Variants in PTPRK observed in about 807,000 individuals in gnomAD.
The protein encoded by PTPRK is protein tyrosine phosphatase receptor type K.
In PTPRK, 75 loss-of-function variants were observed where a neutral mutation model predicts 178.0. That is an observed-to-expected ratio of 0.42 (90% CI 0.35 to 0.51). PTPRK has a LOEUF of 0.51. PTPRK is among the 20% of genes least tolerant of loss of function. The probability of loss-of-function intolerance (pLI) is 0.02; values close to 1 mark genes in which losing one functional copy is unlikely to be tolerated. For missense variants in PTPRK, 1,441 were observed against 1,797.8 expected, an observed-to-expected ratio of 0.80 and a Z score of 3.59; for synonymous variants, 637 against 620.6, an observed-to-expected ratio of 1.03 and a Z score of -0.39.
At chr6:128,227,692 A>G (rs1367882315) in intron 5 of PTPRK, among the ~76,000 whole-genome samples, 3 of 152,200 alleles carry the variant, frequency 2.0e-5, no homozygotes, top group South Asian at 4.1e-4. Context: ...AGTGTCAATG[A>G]AAGTCAGTCA....
chr6:128,468,431 G>GACAATACAATACAAT (rs71543137), intron 1 of PTPRK, among the ~76,000 whole-genome samples: 11 of 151,680 alleles, frequency 7.3e-5, no homozygotes, highest in African/African-American at 2.2e-4. Flanking sequence ...TTAAGAGCCT[G>GACAATACAATACAAT]ACAATACAAT....
At chr6:128,350,705 A>G (rs989262142) in intron 2 of PTPRK, among the ~76,000 whole-genome samples, 2 of 152,234 alleles carry the variant, frequency 1.3e-5, no homozygotes, top group African/African-American at 2.4e-5. Context: ...CACTGGGCCT[A>G]TACGTCCATG....
At chr6:127,992,635 T>C in intron 19 of PTPRK, 38 bp downstream of exon 19, 1 of 1,546,714 alleles carries the variant, frequency 6.5e-7, no homozygotes. Context: ...ATAAGCAAGT[T>C]TGTTTTTTCT....
intron 13 of PTPRK, among the ~76,000 whole-genome samples, chr6:128,029,676 A>T (rs1345851072): frequency 6.8e-6 from 1 of 147,934 alleles, no homozygotes; most frequent in Non-Finnish European, 1.5e-5. Context: ...AATAATAATA[A>T]TAATAATAAT....
intron 1 of PTPRK, among the ~76,000 whole-genome samples, chr6:128,487,426 T>A (rs1853108936): frequency 6.6e-6 from 1 of 151,492 alleles, no homozygotes; most frequent in African/African-American, 2.4e-5. Context: ...CTGTCTCCTA[T>A]CCCTCTATCT....
At chr6:127,972,725 G>T (rs1158800610) in intron 29 of PTPRK, among the ~76,000 whole-genome samples, 1 of 151,986 alleles carries the variant, frequency 6.6e-6, no homozygotes, top group Non-Finnish European at 1.5e-5. Context: ...TCTTCTTATA[G>T]GACCATTTAC....
At chr6:128,424,402 C>A (rs1166591011) in intron 1 of PTPRK, among the ~76,000 whole-genome samples, 1 of 152,140 alleles carries the variant, frequency 6.6e-6, no homozygotes, top group African/African-American at 2.4e-5. Context: ...CTGAAGCCCA[C>A]ATCTCTCAAG....
chr6:128,361,934 C>A (rs897914855), intron 2 of PTPRK, among the ~76,000 whole-genome samples: 1 of 152,238 alleles, frequency 6.6e-6, no homozygotes, highest in African/African-American at 2.4e-5. Context: ...TCATATACTA[C>A]CTCAACAAGT....
chr6:128,184,559 A>G lies in PTPRK; in HGVS notation c.1035T>C (p.Ala345=), dbSNP rs767162231. 3 of 1,613,978 alleles carry G rather than the reference A, an allele frequency of 1.9e-6. No homozygotes were observed. The highest frequency in any genetic ancestry group is 2.5e-6 in the Non-Finnish European group (3 of 1,179,934). The change falls in exon 7 of 30, where the codon GCT becomes GCC. Residue 345 remains alanine, a synonymous_variant. Transcript: ENST00000368226. ...GSWTETHAVN[A]PTYKLWHLDP... ...CTAAATGCCATAATTTGTAAGTTGG[A>G]GCATTGACTGCATGGGTTTCTGTCC... is the stretch of plus-strand genomic sequence containing the variant.
chr6:128,067,392 A>G, intron 12 of PTPRK, 127 bp downstream of exon 12: 1 of 1,096,128 alleles, frequency 9.1e-7, no homozygotes, highest in Non-Finnish European at 1.2e-6. Flanking sequence ...TGTTGAGAAC[A>G]GAACCCCCTA....
At chr6:128,456,731 C>T (rs1028087405) in intron 1 of PTPRK, among the ~76,000 whole-genome samples, 3 of 152,022 alleles carry the variant, frequency 2.0e-5, no homozygotes, top group African/African-American at 7.2e-5. Context: ...TGGGTCTTTC[C>T]GGTTTTTAAG....
At chr6:128,448,660 G>A (rs1296476360) in intron 1 of PTPRK, among the ~76,000 whole-genome samples, 1 of 152,126 alleles carries the variant, frequency 6.6e-6, no homozygotes, top group Non-Finnish European at 1.5e-5. Flanking sequence ...TTTGGGATGA[G>A]ACAGAGACAA....
At chr6:128,163,579 G>A (rs1222501604) in intron 7 of PTPRK, among the ~76,000 whole-genome samples, 1 of 151,360 alleles carries the variant, frequency 6.6e-6, no homozygotes, top group Non-Finnish European at 1.5e-5. Flanking sequence ...TAGAGCTAGG[G>A]TTTTATATTT....
intron 13 of PTPRK, among the ~76,000 whole-genome samples, chr6:128,055,896 T>C (rs1166921095): frequency 6.6e-6 from 1 of 152,132 alleles, no homozygotes; most frequent in East Asian, 1.9e-4. Flanking sequence ...CCACCATGTC[T>C]GGCCATGCTT....
chr6:128,416,109 T>G (rs1324367179), intron 1 of PTPRK, among the ~76,000 whole-genome samples: 1 of 152,036 alleles, frequency 6.6e-6, no homozygotes. Context: ...AATTACAGTA[T>G]GAGAAATATA....
intron 2 of PTPRK, among the ~76,000 whole-genome samples, chr6:128,343,481 C>G (rs984570020): frequency 4.2e-5 from 5 of 118,394 alleles, no homozygotes; most frequent in African/African-American, 1.6e-4. Context: ...GCCTGGGCAA[C>G]AAGAGTGAAA....
chr6:128,235,750 T>C, intron 5 of PTPRK: 1 of 348,086 alleles, frequency 2.9e-6, no homozygotes, highest in Non-Finnish European at 6.0e-6. Flanking sequence ...AAAATCGTCA[T>C]GGCTCAATGA....
At chr6:128,454,385 G>T (rs1040633200) in intron 1 of PTPRK, among the ~76,000 whole-genome samples, 2 of 152,202 alleles carry the variant, frequency 1.3e-5, no homozygotes, top group Non-Finnish European at 2.9e-5. Context: ...AAAGATTTGT[G>T]ATGTAATAAT....
At chr6:128,069,602 T>C (rs1039974043) in intron 11 of PTPRK, among the ~76,000 whole-genome samples, 2 of 152,188 alleles carry the variant, frequency 1.3e-5, no homozygotes, top group African/African-American at 4.8e-5. Flanking sequence ...CCCTCATACA[T>C]GCTCTCCAAA....
Sources: allele counts gnomAD v4.1 joint callset (sites outside exome capture counted in the v4.1 genomes callset), GRCh38; gene constraint gnomAD v4.1.1; transcripts MANE v1.5; gene names NCBI Gene and HGNC (gene_info 2026-07-23, HGNC 2026-07-21).